AKAP6: variants seen among roughly 807,000 people sequenced by gnomAD.
AKAP6 encodes the protein A-kinase anchoring protein 6.
Under a neutral mutation model 188.5 loss-of-function variants are expected in AKAP6, and 58 were observed. The ratio of observed to expected loss-of-function variants is 0.31; its 90% CI spans 0.25 to 0.38. The LOEUF (loss-of-function observed/expected upper bound fraction) is 0.38, where lower values mean the gene tolerates loss of function less well. AKAP6 is among the 10% of genes least tolerant of loss of function. The pLI is 1.00. For synonymous variants in AKAP6, 989 were observed against 998.6 expected (o/e 0.99, Z 0.18); for missense variants, 2,710 against 2,740.0 (o/e 0.99, Z 0.24).
intron 2 of AKAP6, among the ~76,000 whole-genome samples, chr14:32,497,145 T>C (rs932730750): frequency 6.6e-6 from 1 of 152,148 alleles, no homozygotes; most frequent in Admixed American, 6.6e-5. Flanking sequence ...AGTAATCGAA[T>C]GTGTGTCACA....
intron 7 of AKAP6, among the ~76,000 whole-genome samples, chr14:32,619,552 C>A: frequency 6.6e-6 from 1 of 152,250 alleles, no homozygotes; most frequent in Middle Eastern, 3.4e-3. Context: ...TATACCAGTA[C>A]CATGCTATTT....
chr14:32,348,678 G>T (rs919965645), intron 1 of AKAP6, among the ~76,000 whole-genome samples: 1 of 152,114 alleles, frequency 6.6e-6, no homozygotes, highest in Admixed American at 6.5e-5. Context: ...CTCCCAAAGT[G>T]CTGGGATTAT....
At chr14:32,482,987 GTGTA>G (rs1421595831) in intron 2 of AKAP6, among the ~76,000 whole-genome samples, 8 of 75,458 alleles carry the variant, frequency 1.1e-4, no homozygotes, top group South Asian at 5.7e-4. Flanking sequence ...GTGTGTGTGT[GTGTA>G]TATATATATA....
chr14:32,655,061 A>G (rs1373228009), intron 7 of AKAP6, among the ~76,000 whole-genome samples: 2 of 152,182 alleles, frequency 1.3e-5, no homozygotes, highest in African/African-American at 2.4e-5. Flanking sequence ...AATTCGTCAA[A>G]TAGGAATAAG....
At chr14:32,439,599 A>G (rs1253562040) in intron 2 of AKAP6, among the ~76,000 whole-genome samples, 1 of 90,458 alleles carries the variant, frequency 1.1e-5, no homozygotes, top group African/African-American at 8.8e-5. Flanking sequence ...GAGCATAACT[A>G]GTAAGGCTAC....
chr14:32,828,233 C>G (rs1330126709), intron 13 of AKAP6, among the ~76,000 whole-genome samples: 1 of 152,130 alleles, frequency 6.6e-6, no homozygotes, highest in African/African-American at 2.4e-5. Flanking sequence ...CTCATGCACA[C>G]AGCACAATTC....
At chr14:32,367,266 C>T (rs1286370789) in intron 1 of AKAP6, among the ~76,000 whole-genome samples, 2 of 152,134 alleles carry the variant, frequency 1.3e-5, no homozygotes, top group Non-Finnish European at 2.9e-5. Context: ...GGAGTCTTAA[C>T]GCAGGGCTCA....
intron 5 of AKAP6, among the ~76,000 whole-genome samples, chr14:32,578,412 A>G (rs1884823575): frequency 6.6e-6 from 1 of 152,120 alleles, no homozygotes; most frequent in African/African-American, 2.4e-5. Flanking sequence ...ACCTGAGTCG[A>G]TGGTGTGTAA....
intron 7 of AKAP6, among the ~76,000 whole-genome samples, chr14:32,626,306 C>T (rs1392848155): frequency 6.6e-6 from 1 of 152,094 alleles, no homozygotes; most frequent in Non-Finnish European, 1.5e-5. Context: ...TTCATATGTA[C>T]AGTGCTAGGG....
intron 1 of AKAP6, among the ~76,000 whole-genome samples, chr14:32,335,576 G>A (rs1023365176): frequency 6.6e-6 from 1 of 152,102 alleles, no homozygotes; most frequent in Non-Finnish European, 1.5e-5. Flanking sequence ...TCTTTTATAG[G>A]CAATGGGGGA....
intron 7 of AKAP6, among the ~76,000 whole-genome samples, chr14:32,671,934 A>G (rs1889214905): frequency 6.6e-6 from 1 of 152,220 alleles, no homozygotes; most frequent in Non-Finnish European, 1.5e-5. Flanking sequence ...AAGATAAAGC[A>G]TTAGGTCTAT....
intron 12 of AKAP6, among the ~76,000 whole-genome samples, chr14:32,810,693 G>A (rs1594970370): frequency 6.6e-6 from 1 of 152,170 alleles, no homozygotes; most frequent in African/African-American, 2.4e-5. Context: ...TTATGGAGGG[G>A]ACTCAACAGA....
chr14:32,405,031 A>G (rs1419339478), intron 1 of AKAP6, among the ~76,000 whole-genome samples: 1 of 151,810 alleles, frequency 6.6e-6, no homozygotes, highest in African/African-American at 2.4e-5. Flanking sequence ...AAGTCAAAGT[A>G]TGTTGGCAAA....
chr14:32,620,433 T>C (rs987235989), intron 7 of AKAP6, among the ~76,000 whole-genome samples: 2 of 152,144 alleles, frequency 1.3e-5, no homozygotes, highest in African/African-American at 4.8e-5. Context: ...CATGTGGTTT[T>C]TGTTTTTAAT....
At chr14:32,721,322 T>A (rs2030523491) in intron 9 of AKAP6, among the ~76,000 whole-genome samples, 4 of 152,184 alleles carry the variant, frequency 2.6e-5, no homozygotes, top group Non-Finnish European at 5.9e-5. Context: ...GTAGCAAGGA[T>A]TAAAATGCAC....
intron 7 of AKAP6, among the ~76,000 whole-genome samples, chr14:32,671,070 C>T (rs1425698359): frequency 3.9e-5 from 6 of 152,072 alleles, no homozygotes; most frequent in African/African-American, 1.4e-4. Context: ...AAAAAAGTGA[C>T]ATGTTCAGCT....
chr14:32,709,733 C>G (rs777680770), intron 9 of AKAP6, among the ~76,000 whole-genome samples: 5 of 151,990 alleles, frequency 3.3e-5, no homozygotes, highest in African/African-American at 4.8e-5. Flanking sequence ...CTTCTTATTT[C>G]TAGTGTAAAT....
intron 1 of AKAP6, among the ~76,000 whole-genome samples, chr14:32,408,711 TAGG>T (rs202191660): frequency 1.9e-3 from 163 of 85,004 alleles, no homozygotes; most frequent in Admixed American, 4.1e-3. Context: ...TATCTCCAAG[TAGG>T]AGATATGTGT....
intron 12 of AKAP6, among the ~76,000 whole-genome samples, chr14:32,779,155 G>A (rs1467735271): frequency 6.6e-6 from 1 of 151,940 alleles, no homozygotes; most frequent in East Asian, 1.9e-4. Flanking sequence ...CAGCACTTTG[G>A]GAGGCTGAGG....
Sources: gnomAD v4.1 joint callset for allele counts (sites outside exome capture counted in the v4.1 genomes callset) on GRCh38, gnomAD v4.1.1 for gene constraint, MANE v1.5 for transcripts, NCBI Gene and HGNC (gene_info 2026-07-23, HGNC 2026-07-21) for gene names.